The following OLFM3 variants were observed in gnomAD, a reference collection of about 807,000 sequenced individuals.
OLFM3 encodes noelin-3.
OLFM3 carries 20 observed loss-of-function variants against 48.6 expected under a neutral mutation model. The ratio of observed to expected loss-of-function variants is 0.41; its 90% CI spans 0.29 to 0.60. The LOEUF (loss-of-function observed/expected upper bound fraction) is 0.60. Ranked by LOEUF, OLFM3 falls within the 20% of genes least tolerant of loss-of-function variation. The pLI, the probability that OLFM3 is intolerant of heterozygous loss-of-function variation, is 0.28. For missense variants in OLFM3, 437 were observed against 544.3 expected, an observed-to-expected ratio of 0.80 and a Z score of 1.96; for synonymous variants, 222 against 198.1, an observed-to-expected ratio of 1.12 and a Z score of -1.01.
Position 101,804,901 on chromosome 1 carries a change from G to A in OLFM3, c.714C>T (p.Asp238=), listed in dbSNP as rs1653688191. The change falls in exon 6 of 6, where the codon GAC becomes GAT. Residue 238 remains aspartate (D), a synonymous_variant. Coordinates refer to ENST00000370103, the MANE Select transcript of OLFM3 (RefSeq NM_058170.4). This position sits in a 1 kb window ranked among gnomAD's most constrained non-coding sequence, Gnocchi z 4.5. ...SEKNNRVWYM[D]SYTNNKIVRE... ...GAACAATTTTATTGTTAGTATAACTGTCCATGTACCAGACCTGAGAAGAAG... is the reference window on the plus strand; with the variant it reads ...GAACAATTTTATTGTTAGTATAACTATCCATGTACCAGACCTGAGAAGAAG... 3.1e-6 allele frequency: 5 copies of A among 1,609,960 alleles called. No individual in the cohort carries two copies. The highest frequency in any genetic ancestry group is 4.2e-6 in the Non-Finnish European group (5 of 1,178,110).
chr1:101,905,967 G>T (rs935043726), intron 1 of OLFM3, among the ~76,000 whole-genome samples: 3 of 152,060 alleles, frequency 2.0e-5, no homozygotes, highest in African/African-American at 7.2e-5. Flanking sequence ...TAAATCACTA[G>T]CAATCAGTGA....
intron 1 of OLFM3, among the ~76,000 whole-genome samples, chr1:101,980,316 G>A (rs1038532640): frequency 3.3e-5 from 5 of 152,030 alleles, no homozygotes; most frequent in Non-Finnish European, 5.9e-5. Flanking sequence ...GAATGATATG[G>A]TTTGGCTCTG....
In OLFM3 at chr1:101,804,512, C is replaced by G. The variant is rs1653664326; in HGVS notation, c.1103G>C (p.Gly368Ala). 6.2e-7 allele frequency: 1 copy of G among 1,612,654 alleles called. No individual in the cohort carries two copies. Among genetic ancestry groups the G allele is most frequent in the Non-Finnish European group, 8.5e-7 (1 of 1,179,154 alleles). Residue 368 changes from glycine to alanine, a missense_variant, in exon 6 of 6, where the codon GGC (glycine) becomes GCC (alanine). This residue lies in a region of OLFM3 where 108 missense variants were observed against 135.8 expected (regional missense o/e 0.80). Transcript: ENST00000370103. This position sits in a 1 kb window ranked among gnomAD's most constrained non-coding sequence, Gnocchi z 4.5. Reference sequence around the variant, plus strand: ...TTCCCCTGCACTTCTCTTGGGGTAGCCAGTGCTCCAGCTCTTCATCACCTC... The same window carrying G: ...TTCCCCTGCACTTCTCTTGGGGTAGGCAGTGCTCCAGCTCTTCATCACCTC... ...TLEVMKSWSTGYPKRSAGESF... is the reference protein window; with the variant it reads ...TLEVMKSWSTAYPKRSAGESF...
intron 1 of OLFM3, among the ~76,000 whole-genome samples, chr1:101,850,429 A>G (rs1656179737): frequency 6.6e-6 from 1 of 152,130 alleles, no homozygotes; most frequent in African/African-American, 2.4e-5. Flanking sequence ...TTGAGTGAGA[A>G]TGACTCATAG....
intron 1 of OLFM3, among the ~76,000 whole-genome samples, chr1:101,860,504 C>A (rs1187846083): frequency 6.6e-6 from 1 of 151,908 alleles, no homozygotes; most frequent in Non-Finnish European, 1.5e-5. Flanking sequence ...TTTTTTCAGA[C>A]CCTCTTTTAT....
Position 101,891,397 on chromosome 1 carries a change from T to A in OLFM3, c.70-54372A>T, listed in dbSNP as rs145561297. Among the ~76,000 whole-genome samples, 3 of 151,982 alleles carry A rather than the reference T, an allele frequency of 2.0e-5. No homozygotes were observed. In the East Asian group the frequency reaches 5.8e-4, roughly 29 times the overall value. On this transcript the variant is annotated intron_variant, in intron 1 of 5. Coordinates refer to ENST00000370103, the MANE Select transcript of OLFM3 (RefSeq NM_058170.4). Reference sequence around the variant, plus strand: ...CCAGATAAGGGAGGTAGATACTATATGAATAACATGCTAGTTATTACTATA... The same window carrying A: ...CCAGATAAGGGAGGTAGATACTATAAGAATAACATGCTAGTTATTACTATA...
At chr1:101,912,671 C>T (rs78243226) in intron 1 of OLFM3, among the ~76,000 whole-genome samples, 2,961 of 152,252 alleles carry the variant, frequency 0.019, 98 homozygotes, top group East Asian at 0.16. Flanking sequence ...ACTTCAAATA[C>T]GACGTCTTCC....
intron 1 of OLFM3, among the ~76,000 whole-genome samples, chr1:101,861,237 T>C (rs1480964470): frequency 3.9e-5 from 6 of 151,970 alleles, no homozygotes; most frequent in Non-Finnish European, 8.8e-5. Flanking sequence ...AATTTTTGTA[T>C]TTTTAGTAGA....
chr1:101,886,249 G>T (rs754780558), intron 1 of OLFM3, among the ~76,000 whole-genome samples: 1 of 149,942 alleles, frequency 6.7e-6, no homozygotes, highest in African/African-American at 2.5e-5. Flanking sequence ...CAAGGGAGGA[G>T]AAAACATACA....
In OLFM3 at chr1:101,996,680, T is replaced by C. The variant is rs181847874; in HGVS notation, c.69+68A>G. 4.6e-4 allele frequency: 703 copies of C among 1,513,090 alleles called. 3 individuals carry two copies. The highest frequency in any genetic ancestry group is 2.0e-3 in the Admixed American group (121 of 59,826). The allele number at this position is 1,513,090 out of a possible 1,614,324, so 93.7% of individuals were successfully genotyped here. ...TCGTCCCGTTTTTGACATATTTATT[T>C]GCATTTCTGTTAGGTTTGTTACATA... On this transcript the variant is annotated intron_variant, in intron 1 of 5. Coordinates refer to ENST00000370103, the MANE Select transcript of OLFM3 (RefSeq NM_058170.4).
chr1:101,815,689 T>C (rs914480058), intron 4 of OLFM3, among the ~76,000 whole-genome samples: 1 of 152,106 alleles, frequency 6.6e-6, no homozygotes, highest in African/African-American at 2.4e-5. Context: ...TTTACTCGGA[T>C]GAAATGACTG....
intron 1 of OLFM3, among the ~76,000 whole-genome samples, chr1:101,916,585 G>A (rs935722106): frequency 3.3e-5 from 5 of 152,068 alleles, no homozygotes; most frequent in Non-Finnish European, 5.9e-5. Flanking sequence ...TACAATTAGA[G>A]CAACTGTAGT....
intron 1 of OLFM3, among the ~76,000 whole-genome samples, chr1:101,898,497 C>A (rs1336799): frequency 0.99 from 150,775 of 152,292 alleles, 74,656 homozygotes; most frequent in East Asian, 1. Context: ...TCTATTTAAT[C>A]TTGAGCAGTT....
At chr1:101,877,115 G>T (rs1434845259) in intron 1 of OLFM3, among the ~76,000 whole-genome samples, 1 of 151,070 alleles carries the variant, frequency 6.6e-6, no homozygotes, top group African/African-American at 2.4e-5. Context: ...ATGTAAATAT[G>T]CTGTAAAATA....
chr1:101,907,041 C>CT (rs1658577163), intron 1 of OLFM3, among the ~76,000 whole-genome samples: 2 of 151,962 alleles, frequency 1.3e-5, no homozygotes, highest in Admixed American at 1.3e-4. Context: ...TCTAACTGTT[C>CT]TCTGTGACAA....
At chr1:101,814,398 TAAAC>T (rs546529470) in intron 4 of OLFM3, among the ~76,000 whole-genome samples, 156 of 151,598 alleles carry the variant, frequency 1.0e-3, no homozygotes, top group African/African-American at 3.6e-3. Flanking sequence ...AAAAAACAAA[TAAAC>T]AAACAAACTA....
chr1:101,861,465 C>G (rs953643288), intron 1 of OLFM3, among the ~76,000 whole-genome samples: 2 of 152,232 alleles, frequency 1.3e-5, no homozygotes, highest in African/African-American at 4.8e-5. Flanking sequence ...TACGTTACTA[C>G]TGTCTCAGTG....
intron 1 of OLFM3, among the ~76,000 whole-genome samples, chr1:101,886,761 T>C (rs1462519544): frequency 6.6e-6 from 1 of 152,070 alleles, no homozygotes; most frequent in Non-Finnish European, 1.5e-5. Flanking sequence ...ACACTAAATT[T>C]TGGGTTTGTT....
rs527485577 is a variant in OLFM3, at chr1:101,889,224, T to A, written c.70-52199A>T. Reference sequence around the variant, plus strand: ...ACACGTATGTTTATTGCAGCACTATTCACAATAGCAAAGACTTGGAACCAA... The same window carrying A: ...ACACGTATGTTTATTGCAGCACTATACACAATAGCAAAGACTTGGAACCAA... On this transcript the variant is annotated intron_variant, in intron 1 of 5. Coordinates refer to ENST00000370103, the MANE Select transcript of OLFM3 (RefSeq NM_058170.4). Among the ~76,000 whole-genome samples, 10 of 152,280 alleles carry A rather than the reference T, an allele frequency of 6.6e-5. No individual in the cohort carries two copies. The South Asian group carries it at 2.1e-3, about 32-fold the overall frequency.
Sources: allele counts gnomAD v4.1 joint callset (sites outside exome capture counted in the v4.1 genomes callset), GRCh38; gene constraint gnomAD v4.1.1; regional missense constraint gnomAD v4.1.1; non-coding constraint Gnocchi (gnomAD v3.1); transcripts MANE v1.5; gene names NCBI Gene and HGNC (gene_info 2026-07-23, HGNC 2026-07-21).